RIMS2: variants seen among roughly 807,000 people sequenced by gnomAD.
RIMS2 encodes the protein regulating synaptic membrane exocytosis 2.
In RIMS2, 59 loss-of-function variants were observed where a neutral mutation model predicts 174.4. That is an observed-to-expected ratio of 0.34 (90% CI 0.27 to 0.42). The LOEUF is 0.42. RIMS2 is among the 10% of genes least tolerant of loss of function. RIMS2 has a pLI of 1.00. For synonymous variants in RIMS2, 606 were observed against 572.5 expected, an observed-to-expected ratio of 1.06 and a Z score of -0.84; for missense variants, 1,620 against 1,666.3, an observed-to-expected ratio of 0.97 and a Z score of 0.48.
At chr8:103,871,649 G>A (rs1373429446) in intron 3 of RIMS2, among the ~76,000 whole-genome samples, 1 of 151,920 alleles carries the variant, frequency 6.6e-6, no homozygotes, top group African/African-American at 2.4e-5. Flanking sequence ...ATGCTCTGAC[G>A]TGTTCTGATT....
chr8:104,118,294 C>T (rs533025023), intron 19 of RIMS2, among the ~76,000 whole-genome samples: 1 of 151,786 alleles, frequency 6.6e-6, no homozygotes, highest in African/African-American at 2.4e-5. Context: ...ACCAAAGATT[C>T]TCCCAACTTC....
chr8:103,903,318 G>A (rs778973031), intron 4 of RIMS2, among the ~76,000 whole-genome samples: 9 of 152,014 alleles, frequency 5.9e-5, no homozygotes, highest in Non-Finnish European at 1.3e-4. Flanking sequence ...GTTACAACAT[G>A]TTATTACTTT....
At chr8:103,835,465 A>G (rs3824118) in intron 3 of RIMS2, among the ~76,000 whole-genome samples, 23,904 of 152,108 alleles carry the variant, frequency 0.16, 1,981 homozygotes, top group Middle Eastern at 0.24. Flanking sequence ...AAAATCATAA[A>G]AATGAGAAAT....
At chr8:103,522,726 C>A (rs937081814) in intron 1 of RIMS2, among the ~76,000 whole-genome samples, 5 of 152,102 alleles carry the variant, frequency 3.3e-5, no homozygotes, top group African/African-American at 1.2e-4. Context: ...TGGGAAATTA[C>A]AATAACCTTA....
chr8:103,544,322 T>C (rs1051507312), intron 1 of RIMS2, among the ~76,000 whole-genome samples: 2 of 152,160 alleles, frequency 1.3e-5, no homozygotes, highest in Non-Finnish European at 2.9e-5. Flanking sequence ...CTCTTCTGCC[T>C]GAACTCAGCT....
At chr8:103,896,433 A>G (rs2154522905) in intron 4 of RIMS2, among the ~76,000 whole-genome samples, 1 of 151,752 alleles carries the variant, frequency 6.6e-6, no homozygotes, top group East Asian at 1.9e-4. Flanking sequence ...ATCTGTTGTT[A>G]TTATCTGAAG....
rs188457139 is a variant in RIMS2, at chr8:103,640,266, G to A, written c.177-56820G>A. ...TTCATTTTTTATATTAGTAATTTGTGTCTTTTCTTTTTTCCTTGATTAGCC... is the reference window on the plus strand; with the variant it reads ...TTCATTTTTTATATTAGTAATTTGTATCTTTTCTTTTTTCCTTGATTAGCC... On this transcript the variant is annotated intron_variant, in intron 1 of 23. Coordinates refer to ENST00000504942, the Ensembl canonical transcript of RIMS2. Among the ~76,000 whole-genome samples the A allele has an allele frequency of 4.0e-5, 6 of 151,848 alleles. No homozygotes were observed. The East Asian group carries it at 1.2e-3, about 29-fold the overall frequency.
intron 4 of RIMS2, among the ~76,000 whole-genome samples, chr8:103,892,524 C>T (rs537681166): frequency 3.9e-5 from 6 of 152,098 alleles, no homozygotes; most frequent in African/African-American, 1.2e-4. Flanking sequence ...TTTACTAAGA[C>T]TTTCACAAGT....
At chr8:103,842,062 TAAAC>T (rs913401091) in intron 3 of RIMS2, among the ~76,000 whole-genome samples, 9 of 152,094 alleles carry the variant, frequency 5.9e-5, no homozygotes, top group Non-Finnish European at 1.2e-4. Flanking sequence ...AAGTGAAAAA[TAAAC>T]AAAAGCAACC....
At chr8:103,798,848 T>C (rs906204131) in intron 3 of RIMS2, among the ~76,000 whole-genome samples, 2 of 151,658 alleles carry the variant, frequency 1.3e-5, no homozygotes, top group African/African-American at 4.8e-5. Context: ...GACCTTGAGA[T>C]AGGGAGATTA....
intron 11 of RIMS2, among the ~76,000 whole-genome samples, chr8:103,929,465 A>G (rs921419782): frequency 5.3e-5 from 8 of 151,848 alleles, no homozygotes; most frequent in African/African-American, 1.9e-4. Context: ...CATAATAATT[A>G]TTATTTGTTT....
intron 2 of RIMS2, among the ~76,000 whole-genome samples, chr8:103,724,038 C>A (rs1014990519): frequency 6.6e-6 from 1 of 152,074 alleles, no homozygotes; most frequent in Non-Finnish European, 1.5e-5. Context: ...CAGGTGCTTA[C>A]TTCACTCTCT....
intron 3 of RIMS2, among the ~76,000 whole-genome samples, chr8:103,826,102 T>C (rs1168769230): frequency 6.6e-6 from 1 of 152,144 alleles, no homozygotes; most frequent in African/African-American, 2.4e-5. Flanking sequence ...TTAAATTAGG[T>C]TGTGTTTTTA....
At chr8:104,146,197 C>G (rs1396684854) in intron 19 of RIMS2, among the ~76,000 whole-genome samples, 2 of 120,602 alleles carry the variant, frequency 1.7e-5, no homozygotes, top group Non-Finnish European at 3.3e-5. Flanking sequence ...GAACCTGTCT[C>G]CTCTCCCAAA....
chr8:103,652,492 A>T (rs1278035351), intron 1 of RIMS2, 132 bp from the exon 3 acceptor site: 1 of 449,264 alleles, frequency 2.2e-6, no homozygotes, highest in Non-Finnish European at 4.0e-6. Flanking sequence ...GACTGCCTGG[A>T]TGATAATTGG....
chr8:104,013,260 T>G (rs1477464920), intron 17 of RIMS2, among the ~76,000 whole-genome samples, 182 bp from the exon 20 acceptor site: 2 of 152,202 alleles, frequency 1.3e-5, no homozygotes, highest in Non-Finnish European at 2.9e-5. Flanking sequence ...AGATTTTGGT[T>G]TTTTAGAAAT....
intron 13 of RIMS2, among the ~76,000 whole-genome samples, chr8:103,940,771 G>A (rs937254755): frequency 6.6e-6 from 1 of 151,714 alleles, no homozygotes; most frequent in African/African-American, 2.4e-5. Context: ...AACTACTTGG[G>A]AGTCTGAGGC....
chr8:104,189,004 C>T (rs1404120225), intron 19 of RIMS2, among the ~76,000 whole-genome samples: 2 of 151,762 alleles, frequency 1.3e-5, no homozygotes, highest in African/African-American at 2.4e-5. Flanking sequence ...GCTTTAATTG[C>T]TCTTCATAAG....
At chr8:103,690,504 C>T (rs1012780754) in intron 1 of RIMS2, among the ~76,000 whole-genome samples, 2 of 152,122 alleles carry the variant, frequency 1.3e-5, no homozygotes, top group African/African-American at 4.8e-5. Context: ...TAATAAATAA[C>T]ATCTTAGAAT....
Sources: allele counts gnomAD v4.1 joint callset (sites outside exome capture counted in the v4.1 genomes callset), GRCh38; gene constraint gnomAD v4.1.1; transcripts MANE v1.5; gene names NCBI Gene and HGNC (gene_info 2026-07-23, HGNC 2026-07-21).